YWHAZ: variants seen among roughly 807,000 people sequenced by gnomAD.
The protein encoded by YWHAZ is 14-3-3 protein zeta/delta.
For synonymous variants in YWHAZ, 87 were observed against 103.6 expected (o/e 0.84, Z 0.97); for missense variants, 79 against 284.8 (o/e 0.28, Z 5.20).
Position 100,918,780 on chromosome 8 carries a change from T to C in YWHAZ, c.*1913A>G, listed in dbSNP as rs1812830770. ...ACAGTGTACTAGGCACAATAGAACATACAGAAAACATTGTCCCTGCTCTTG... is the reference window on the plus strand; with the variant it reads ...ACAGTGTACTAGGCACAATAGAACACACAGAAAACATTGTCCCTGCTCTTG... On this transcript the variant is annotated 3_prime_UTR_variant, in exon 6 of 6. Transcript: ENST00000395958. 6.6e-6 allele frequency: 1 copy of C among 152,530 alleles called. No individual in the cohort carries two copies. 9.4% of individuals were successfully genotyped at this position (152,530 alleles called of 1,614,324 possible).
At chr8:100,951,663 C>A (rs1271789745) in intron 1 of YWHAZ, 2 of 985,112 alleles carry the variant, frequency 2.0e-6, no homozygotes, top group South Asian at 4.7e-5. Flanking sequence ...CCCTACCCAC[C>A]CCCGGGGGCA....
At chr8:100,930,164 T>C (rs966773015) in intron 2 of YWHAZ, among the ~76,000 whole-genome samples, 18 of 152,258 alleles carry the variant, frequency 1.2e-4, no homozygotes, top group African/African-American at 4.1e-4. Context: ...AGTGGTGTGA[T>C]CTTGGCTCAC....
chr8:100,934,149 A>ACC, intron 2 of YWHAZ, among the ~76,000 whole-genome samples: 1 of 39,236 alleles, frequency 2.5e-5, no homozygotes, highest in African/African-American at 1.7e-4. Context: ...ACAAAGCTAG[A>ACC]CTCGTCTCAA....
rs1810468462 is a variant in YWHAZ, at chr8:100,948,457, T to C, written c.294+139A>G. The C allele has an allele frequency of 2.1e-6, 2 of 943,646 alleles. No homozygotes were observed. The highest frequency in any genetic ancestry group is 2.4e-5 in the Admixed American group (1 of 41,018). 58.5% of individuals were successfully genotyped at this position (943,646 alleles called of 1,614,324 possible). The stretch of plus-strand genomic sequence containing the variant: ...AATTGTCTTAACATCTTTTTAGTCA[T>C]GACACCATGAAGACTTTTAAATTTG... On this transcript the variant is annotated intron_variant, in intron 2 of 5. Transcript: ENST00000395958. This position sits in a 1 kb window ranked among gnomAD's most constrained non-coding sequence, Gnocchi z 4.2.
rs576864294 is a variant in YWHAZ, at chr8:100,943,374, C to T, written c.294+5222G>A. On this transcript the variant is annotated intron_variant, in intron 2 of 5. Coordinates refer to ENST00000395958, the MANE Select transcript of YWHAZ (RefSeq NM_145690.3). ...ATAAACTATATGCTAACTTTTAAAA[C>T]TTACTTGATATCAGAACACCTGTCA... 4.6e-5 allele frequency among the ~76,000 whole-genome samples: 7 copies of T among 152,156 alleles called. No homozygotes were observed. In the South Asian group the frequency reaches 1.4e-3, roughly 32 times the overall value.
rs767614348 is a variant in YWHAZ, at chr8:100,924,146, G to A, written c.571C>T (p.Leu191Phe). Residue 191 changes from leucine to phenylalanine, a missense_variant, in exon 4 of 6, where the codon CTT (leucine) becomes TTT (phenylalanine). Leu to Phe is a conservative substitution (Grantham distance 22). Transcript: ENST00000395958. The surrounding 1 kb of genome is among the most constrained non-coding windows in gnomAD (Gnocchi z 5.7). Reference protein sequence around the residue: ...ILNSPEKACSLAKTAFDEAIA... With the variant: ...ILNSPEKACSFAKTAFDEAIA... ...GGTAAAATACATACTGTCTTTGCAAGAGAGCAGGCTTTCTCTGGGGAGTTC... is the reference window on the plus strand; with the variant it reads ...GGTAAAATACATACTGTCTTTGCAAAAGAGCAGGCTTTCTCTGGGGAGTTC... 1 of 1,611,782 alleles carries A rather than the reference G, an allele frequency of 6.2e-7. No individual in the cohort carries two copies.
chr8:100,933,885 G>A (rs566306609), intron 2 of YWHAZ, among the ~76,000 whole-genome samples: 69 of 152,072 alleles, frequency 4.5e-4, no homozygotes, highest in Middle Eastern at 3.4e-3. Context: ...GGCCAGGCGC[G>A]GTGGCTAACG....
chr8:100,927,538 A>C (rs1021694556), intron 2 of YWHAZ, among the ~76,000 whole-genome samples: 13 of 152,178 alleles, frequency 8.5e-5, no homozygotes, highest in Non-Finnish European at 1.5e-4. Flanking sequence ...AAAGAGTAAC[A>C]CTGCCTAATC....
At chr8:100,945,283 A>G (rs1388581947) in intron 2 of YWHAZ, among the ~76,000 whole-genome samples, 1 of 152,238 alleles carries the variant, frequency 6.6e-6, no homozygotes, top group Non-Finnish European at 1.5e-5. Flanking sequence ...CTCTTTGCTT[A>G]TTAAATGGTT....
rs1812925663 is a variant in YWHAZ, at chr8:100,920,392, C to A, written c.*301G>T. 3.0e-6 allele frequency: 1 copy of A among 337,250 alleles called. No individual in the cohort carries two copies. Among genetic ancestry groups the A allele is most frequent in the South Asian group, 4.2e-5 (1 of 23,938 alleles). The allele number at this position is 337,250 out of a possible 1,614,324, so 20.9% of individuals were successfully genotyped here. On this transcript the variant is annotated 3_prime_UTR_variant, in exon 6 of 6. Transcript: ENST00000395958. ...GCTTAGACATGGAAGCAGTTTTACACTGGCCCTTTTGAAGCCACAATGTAC... is the reference window on the plus strand; with the variant it reads ...GCTTAGACATGGAAGCAGTTTTACAATGGCCCTTTTGAAGCCACAATGTAC...
At chr8:100,920,873 A>C in intron 5 of YWHAZ, 121 bp from the exon 6 acceptor site, 2 of 808,850 alleles carry the variant, frequency 2.5e-6, no homozygotes, top group Admixed American at 4.7e-5. Context: ...AAAAGATAGC[A>C]GCATCACTTA....
In YWHAZ at chr8:100,925,058, A is replaced by G; in HGVS notation, c.295-19T>C. On this transcript the variant is annotated intron_variant, in intron 2 of 5. Transcript: ENST00000395958. ...AAAGAGACTTAAGAAGAAAAGAAAC[A>G]GACATAGTGAGAATAAAACATTTAC... 2 of 1,596,920 alleles carry G rather than the reference A, an allele frequency of 1.3e-6. No homozygotes were observed. The highest frequency in any genetic ancestry group is 1.1e-5 in the South Asian group (1 of 88,118).
chr8:100,952,313 G>A (rs894934585), upstream of YWHAZ: 8 of 244,110 alleles, frequency 3.3e-5, no homozygotes, highest in Non-Finnish European at 5.3e-5. Flanking sequence ...GTGCACCTAG[G>A]GCAGGAGGCT....
At chr8:100,938,356 TTAAAA>T (rs1814347855) in intron 2 of YWHAZ, among the ~76,000 whole-genome samples, 1 of 152,174 alleles carries the variant, frequency 6.6e-6, no homozygotes, top group South Asian at 2.1e-4. Context: ...TCTTGATCTG[TTAAAA>T]TAAAAAGGCT....
At chr8:100,951,257 G>A in intron 1 of YWHAZ, 5 of 984,882 alleles carry the variant, frequency 5.1e-6, no homozygotes, top group Non-Finnish European at 6.0e-6. Context: ...GCCGCGCCAG[G>A]CCTGGGCTCC....
intron 2 of YWHAZ, among the ~76,000 whole-genome samples, chr8:100,933,978 G>A (rs1388567668): frequency 1.3e-5 from 2 of 151,700 alleles, no homozygotes; most frequent in African/African-American, 4.8e-5. Flanking sequence ...CCATCATGTT[G>A]AAACCCCATC....
upstream of YWHAZ, chr8:100,953,343 A>G: frequency 1.0e-6 from 1 of 985,352 alleles, no homozygotes; most frequent in Non-Finnish European, 1.2e-6. Context: ...GGAGTGGGCC[A>G]CAGGCCGGGT....
In YWHAZ at chr8:100,923,994, G is replaced by A. The variant is rs2130114379; in HGVS notation, c.639C>T (p.Asp213=). Residue 213 remains aspartate, a synonymous_variant, in exon 5 of 6, where the codon GAC becomes GAT. Coordinates refer to ENST00000395958, the MANE Select transcript of YWHAZ (RefSeq NM_145690.3). ...LDTLSEESYK[D]STLIMQLLRD... The stretch of plus-strand genomic sequence containing the variant: ...TCAGTAATTGCATTATTAGCGTGCT[G>A]TCTTTGTATGACTCTTCACTTAATG... 1 of 1,612,834 alleles carries A rather than the reference G, an allele frequency of 6.2e-7. No individual in the cohort carries two copies. The highest frequency in any genetic ancestry group is 8.5e-7 in the Non-Finnish European group (1 of 1,179,626).
rs982312150 is a variant in YWHAZ at position 100,951,981 on chromosome 8, G to A, written c.-64C>T. The A allele has an allele frequency of 3.0e-6, 3 of 1,002,962 alleles. No homozygotes were observed. The highest frequency in any genetic ancestry group is 1.7e-5 in the African/African-American group (1 of 57,294). The allele number at this position is 1,002,962 out of a possible 1,614,324, so 62.1% of individuals were successfully genotyped here. ...GACGGACGGGCTCAGCAGTCTCTGG[G>A]CGGCGGCGGCGGCAGCAGCGGCGAG... On this transcript the variant is annotated 5_prime_UTR_variant, in exon 1 of 6. Coordinates refer to ENST00000395958, the MANE Select transcript of YWHAZ (RefSeq NM_145690.3).
Sources: gnomAD v4.1 joint callset for allele counts (sites outside exome capture counted in the v4.1 genomes callset) on GRCh38, gnomAD v4.1.1 for gene constraint, Gnocchi (gnomAD v3.1) non-coding constraint, MANE v1.5 for transcripts, NCBI Gene and HGNC (gene_info 2026-07-23, HGNC 2026-07-21) for gene names.